WASHC5: variants seen among roughly 807,000 people sequenced by gnomAD.
WASHC5 encodes the protein WASH complex subunit 5.
Under a neutral mutation model 150.4 loss-of-function variants are expected in WASHC5, and 101 were observed. The observed-to-expected ratio is 0.67, with a 90% CI of 0.57 to 0.79. The LOEUF (loss-of-function observed/expected upper bound fraction) is 0.79. Ranked by LOEUF, WASHC5 falls within the 30% of genes least tolerant of loss-of-function variation. The pLI, the probability that WASHC5 is intolerant of heterozygous loss-of-function variation, is 0.00. For synonymous variants in WASHC5, 467 were observed against 491.2 expected, an observed-to-expected ratio of 0.95 and a Z score of 0.65; for missense variants, 1,195 against 1,396.3, an observed-to-expected ratio of 0.86 and a Z score of 2.30.
chr8:125,044,199 A>T, intron 21 of WASHC5, 105 bp from the exon 22 acceptor site: 1 of 804,158 alleles, frequency 1.2e-6, no homozygotes, highest in South Asian at 1.4e-5. Flanking sequence ...GGCCTAAGTC[A>T]CACAAAACCT....
chr8:125,062,365 G>T (rs1369738179), intron 11 of WASHC5, among the ~76,000 whole-genome samples: 1 of 152,168 alleles, frequency 6.6e-6, no homozygotes, highest in Non-Finnish European at 1.5e-5. Flanking sequence ...GGAAAAAAAT[G>T]TAAAATTGTT....
At chr8:125,088,298 A>G (rs776089796) in intron 1 of WASHC5, among the ~76,000 whole-genome samples, 22 of 150,726 alleles carry the variant, frequency 1.5e-4, no homozygotes, top group Non-Finnish European at 2.8e-4. Context: ...GGTGGCAAAA[A>G]CCTGTAATCC....
At chr8:125,059,586 T>G in intron 12 of WASHC5, 44 bp from the exon 13 acceptor site, 1 of 1,427,290 alleles carries the variant, frequency 7.0e-7, no homozygotes. Flanking sequence ...CTGAATGGAC[T>G]CTATGGTGCT....
At chr8:125,030,686 C>T (rs902059652) in intron 27 of WASHC5, among the ~76,000 whole-genome samples, 3 of 143,604 alleles carry the variant, frequency 2.1e-5, no homozygotes, top group African/African-American at 7.6e-5. Flanking sequence ...GCAATTGTAG[C>T]TGCTGTACTG....
intron 27 of WASHC5, among the ~76,000 whole-genome samples, chr8:125,031,204 A>G (rs1815525063): frequency 6.6e-6 from 1 of 152,224 alleles, no homozygotes. Flanking sequence ...GAGGTCAATT[A>G]AATGACCTCG....
At chr8:125,054,138 C>T (rs992600419) in intron 17 of WASHC5, among the ~76,000 whole-genome samples, 4 of 152,156 alleles carry the variant, frequency 2.6e-5, no homozygotes, top group South Asian at 2.1e-4. Flanking sequence ...TGCTCAGAGA[C>T]GTTCATCATG....
chr8:125,088,971 A>G (rs1817510765), intron 1 of WASHC5, among the ~76,000 whole-genome samples: 1 of 152,196 alleles, frequency 6.6e-6, no homozygotes, highest in African/African-American at 2.4e-5. Context: ...AAACAGAAGA[A>G]GTAGACTGGA....
rs933963060 is a variant in WASHC5 at position 125,058,853 on chromosome 8, T to G, written c.1764+369A>C. On this transcript the variant is annotated intron_variant, in intron 14 of 28. Transcript: ENST00000318410. ...TCCCTGTTACTGTAGATATTAGTAC[T>G]AGTTTGTAGCAGAGGCTCAGTAATT... is the stretch of plus-strand genomic sequence containing the variant. Among the ~76,000 whole-genome samples, 4 of 152,328 alleles carry G rather than the reference T, an allele frequency of 2.6e-5. No homozygotes were observed. The South Asian group carries it at 6.2e-4, about 24-fold the overall frequency.
At chr8:125,090,156 C>T (rs60388854) in intron 1 of WASHC5, among the ~76,000 whole-genome samples, 4,570 of 152,298 alleles carry the variant, frequency 0.03, 139 homozygotes, top group African/African-American at 0.061. Context: ...GACCTCCTAA[C>T]CCGGACTAGT....
At chr8:125,065,479 A>G (rs1816719390) in intron 10 of WASHC5, among the ~76,000 whole-genome samples, 1 of 152,182 alleles carries the variant, frequency 6.6e-6, no homozygotes, top group African/African-American at 2.4e-5. Context: ...CATTAGAAAT[A>G]CAGGCTTGGT....
intron 5 of WASHC5, among the ~76,000 whole-genome samples, chr8:125,080,985 A>T (rs1362932756): frequency 6.6e-6 from 1 of 152,230 alleles, no homozygotes; most frequent in East Asian, 1.9e-4. Context: ...AACTTAAACA[A>T]CAAAAGCAAA....
At position 125,075,071 on chromosome 8, in the gene WASHC5, T is replaced by A; in HGVS notation, c.905A>T (p.Asp302Val). The change falls in exon 8 of 29, where the codon GAT (aspartate) becomes GTT (valine). Residue 302 changes from aspartate (D) to valine (V), a missense_variant. By Grantham distance (152) the Asp-to-Val change is radical. This residue lies in a region of WASHC5 where 997 missense variants were observed against 1,168.1 expected (regional missense o/e 0.85). Coordinates refer to ENST00000318410, the MANE Select transcript of WASHC5 (RefSeq NM_014846.4). ...TGCAGCTTTGTAAGGTTCCCAAGCA[T>A]CTACTAGATTAACTGTGATCCCCAT... ...IYMGITVNLVDAWEPYKAAKT... is the reference protein window; with the variant it reads ...IYMGITVNLVVAWEPYKAAKT... 6.2e-7 allele frequency: 1 copy of A among 1,612,118 alleles called. No individual in the cohort carries two copies. The highest frequency in any genetic ancestry group is 8.5e-7 in the Non-Finnish European group (1 of 1,178,318).
At chr8:125,032,153 T>G (rs910924742) in intron 27 of WASHC5, 88 bp downstream of exon 27, 1 of 1,442,372 alleles carries the variant, frequency 6.9e-7, no homozygotes, top group Non-Finnish European at 9.7e-7. Flanking sequence ...CCATCTCTAT[T>G]AGGGCGATAA....
intron 9 of WASHC5, among the ~76,000 whole-genome samples, chr8:125,070,268 G>A (rs1816860503): frequency 6.6e-6 from 1 of 152,234 alleles, no homozygotes; most frequent in African/African-American, 2.4e-5. Flanking sequence ...TTCCACAAAA[G>A]TTAACTAAGC....
chr8:125,085,756 C>T (rs1028377427), intron 1 of WASHC5, among the ~76,000 whole-genome samples: 11 of 152,204 alleles, frequency 7.2e-5, no homozygotes, highest in Admixed American at 2.6e-4. Flanking sequence ...TGGTAGAAGG[C>T]GAAGGGCAAC....
chr8:125,057,238 T>C (rs142757543), intron 15 of WASHC5, among the ~76,000 whole-genome samples: 1 of 152,332 alleles, frequency 6.6e-6, no homozygotes, highest in African/African-American at 2.4e-5. Flanking sequence ...ATGCTGGATC[T>C]AGATCAGGCT....
At chr8:125,034,440 T>C (rs1411352154) in intron 26 of WASHC5, among the ~76,000 whole-genome samples, 1 of 151,868 alleles carries the variant, frequency 6.6e-6, no homozygotes, top group South Asian at 2.1e-4. Context: ...GAGGTGGAGG[T>C]TGCAGTGGGC....
At chr8:125,058,284 T>G (rs1181290403) in intron 14 of WASHC5, among the ~76,000 whole-genome samples, 3 of 152,092 alleles carry the variant, frequency 2.0e-5, no homozygotes, top group Non-Finnish European at 4.4e-5. Flanking sequence ...CAGTGGTGCA[T>G]GCCTATAATT....
chr8:125,076,551 T>C (rs759081937), intron 6 of WASHC5, 51 bp from the exon 7 acceptor site: 25 of 1,602,686 alleles, frequency 1.6e-5, no homozygotes, highest in Non-Finnish European at 2.1e-5. Context: ...CATTTGCACG[T>C]AGACATGCTC....
Sources: allele counts gnomAD v4.1 joint callset (sites outside exome capture counted in the v4.1 genomes callset), GRCh38; gene constraint gnomAD v4.1.1; regional missense constraint gnomAD v4.1.1; transcripts MANE v1.5; gene names NCBI Gene and HGNC (gene_info 2026-07-23, HGNC 2026-07-21).